Variants in U2AF2 observed in about 807,000 individuals in gnomAD.
The protein encoded by U2AF2 is U2 small nuclear RNA auxiliary factor 2.
A neutral mutation model predicts 52.6 loss-of-function variants in U2AF2; 6 were observed. The observed-to-expected ratio is 0.11, with a 90% CI of 0.06 to 0.23. The LOEUF (loss-of-function observed/expected upper bound fraction) is 0.23, where lower values mean the gene tolerates loss of function less well. U2AF2 is among the 10% of genes least tolerant of loss of function. The pLI is 1.00. For synonymous variants in U2AF2, 284 were observed against 258.2 expected (o/e 1.10, Z -0.96); for missense variants, 222 against 677.1 (o/e 0.33, Z 7.46).
intron 7 of U2AF2, 164 bp downstream of exon 7, chr19:55,663,908 CCTG>C: frequency 9.5e-7 from 1 of 1,049,834 alleles, no homozygotes; most frequent in Admixed American, 2.8e-5. Context: ...GGGGTGCTCT[CCTG>C]CTGGTAGAGA....
At chr19:55,666,948 C>T (rs1984585543) in intron 7 of U2AF2, among the ~76,000 whole-genome samples, 1 of 152,190 alleles carries the variant, frequency 6.6e-6, no homozygotes, top group African/African-American at 2.4e-5. Context: ...TCAGTTTTTG[C>T]CTTCTGTGCT....
In U2AF2 at chr19:55,668,298, C is replaced by T. The variant is rs543514828; in HGVS notation, c.743-209C>T. On this transcript the variant is annotated intron_variant, in intron 7 of 11. Coordinates refer to ENST00000308924, the MANE Select transcript of U2AF2 (RefSeq NM_007279.3). This position sits in a 1 kb window ranked among gnomAD's most constrained non-coding sequence, Gnocchi z 5.5. The stretch of plus-strand genomic sequence containing the variant: ...CTGGGCAGATTTGGGAGACATGGTG[C>T]GTTCTCCCCGAGGAGCCTCTGTGTG... Among the ~76,000 whole-genome samples, 2 of 152,104 alleles carry T rather than the reference C, an allele frequency of 1.3e-5. No individual in the cohort carries two copies. The highest frequency in any genetic ancestry group is 2.9e-5 in the Non-Finnish European group (2 of 68,000).
In U2AF2 at chr19:55,673,757, C is replaced by T. The variant is rs1985086753; in HGVS notation, c.1294-177C>T. Among the ~76,000 whole-genome samples, 3 of 152,144 alleles carry T rather than the reference C, an allele frequency of 2.0e-5. No homozygotes were observed. In the South Asian group the frequency reaches 6.2e-4, roughly 31 times the overall value. Reference sequence around the variant, plus strand: ...GTGTTTATGCTCTTGTTTTTTGATCCTGGAGAATATTTGGGTGAACTCCAC... The same window carrying T: ...GTGTTTATGCTCTTGTTTTTTGATCTTGGAGAATATTTGGGTGAACTCCAC... On this transcript the variant is annotated intron_variant, in intron 11 of 11. Coordinates refer to ENST00000308924, the MANE Select transcript of U2AF2 (RefSeq NM_007279.3).
chr19:55,663,772 T>C (rs1268442265), intron 7 of U2AF2, 28 bp downstream of exon 7: 1 of 1,613,222 alleles, frequency 6.2e-7, no homozygotes, highest in South Asian at 1.1e-5. Context: ...TAAGGGCCCC[T>C]TTCTCCCCCA....
Position 55,662,679 on chromosome 19 carries a change from G to C in U2AF2, c.603+61G>C, listed in dbSNP as rs939480667. 1.2e-5 allele frequency: 18 copies of C among 1,459,308 alleles called. No homozygotes were observed. In the African/African-American group the frequency reaches 2.5e-4, roughly 20 times the overall value. The allele number at this position is 1,459,308 out of a possible 1,614,324, so 90.4% of individuals were successfully genotyped here. ...GTGTGATGTGAGGGCCCAGCCCTTA[G>C]GCTGATGTTGTGTGGAGCTGCCTTG... On this transcript the variant is annotated intron_variant, in intron 6 of 11. Coordinates refer to ENST00000308924, the MANE Select transcript of U2AF2 (RefSeq NM_007279.3).
At chr19:55,664,039 C>T (rs1362197303) in intron 7 of U2AF2, 5 of 347,142 alleles carry the variant, frequency 1.4e-5, no homozygotes, top group Middle Eastern at 8.1e-4. Flanking sequence ...GCCTGGACCT[C>T]GTGCCTGCGT....
chr19:55,666,301 C>T (rs1239356785), intron 7 of U2AF2, among the ~76,000 whole-genome samples: 1 of 152,218 alleles, frequency 6.6e-6, no homozygotes, highest in Non-Finnish European at 1.5e-5. Flanking sequence ...AGCCTCTGCT[C>T]CAGGTGTGAT....
chr19:55,661,099 G>T lies in U2AF2; in HGVS notation c.396G>T (p.Val132=), dbSNP rs1224858509. 3 of 1,612,406 alleles carry T rather than the reference G, an allele frequency of 1.9e-6. No homozygotes were observed. The highest frequency in any genetic ancestry group is 2.5e-6 in the Non-Finnish European group (3 of 1,178,788). ...CCATGACCCCTGACGGTCTGGCTGT[G>T]ACCCCAACGCCGGTGCCCGTGGTCG... The part of the protein sequence containing the change: ...LPTMTPDGLA[V]TPTPVPVVGS... Residue 132 remains valine (V), a synonymous_variant, in exon 5 of 12, where the codon GTG becomes GTT. Transcript: ENST00000308924.
chr19:55,658,407 C>T (rs886626985), intron 1 of U2AF2, among the ~76,000 whole-genome samples: 2 of 151,440 alleles, frequency 1.3e-5, no homozygotes, highest in Admixed American at 6.6e-5. Flanking sequence ...AGTGAGGCTC[C>T]GTTCCTAGTG....
intron 7 of U2AF2, among the ~76,000 whole-genome samples, chr19:55,665,318 G>A (rs1340615423): frequency 6.9e-6 from 1 of 144,556 alleles, no homozygotes; most frequent in African/African-American, 2.6e-5. Flanking sequence ...TGCCCTCCAT[G>A]GACGGCAGTT....
intron 1 of U2AF2, among the ~76,000 whole-genome samples, chr19:55,656,650 C>A (rs1017345567): frequency 2.0e-5 from 3 of 152,206 alleles, no homozygotes; most frequent in Admixed American, 2.0e-4. Context: ...CTAAGTGGAT[C>A]CTTTTAACAG....
intron 7 of U2AF2, chr19:55,663,970 G>A: frequency 1.7e-6 from 1 of 578,816 alleles, no homozygotes; most frequent in South Asian, 2.4e-5. Context: ...AGGACACACA[G>A]CTTGTACGTG....
chr19:55,660,152 C>T, intron 2 of U2AF2, 25 bp from the exon 3 acceptor site: 2 of 1,590,646 alleles, frequency 1.3e-6, no homozygotes, highest in Non-Finnish European at 1.7e-6. Flanking sequence ...CACCCCTCCC[C>T]ATACCTTTCC....
chr19:55,663,954 C>G (rs1164059042), intron 7 of U2AF2: 1 of 638,452 alleles, frequency 1.6e-6, no homozygotes, highest in African/African-American at 1.8e-5. Flanking sequence ...GAGCTGTCAC[C>G]TGCTGAGGAC....
At chr19:55,669,858 C>T (rs370514113) in intron 11 of U2AF2, among the ~76,000 whole-genome samples, 166 bp downstream of exon 11, 1 of 152,186 alleles carries the variant, frequency 6.6e-6, no homozygotes, top group Non-Finnish European at 1.5e-5. Flanking sequence ...TGTATGCCAT[C>T]ACTGAGTGCC....
At chr19:55,664,313 G>A (rs1030999194) in intron 7 of U2AF2, among the ~76,000 whole-genome samples, 2 of 152,224 alleles carry the variant, frequency 1.3e-5, no homozygotes, top group South Asian at 2.1e-4. Flanking sequence ...GTCTGCGTGC[G>A]TGGGCCTGGC....
At chr19:55,669,713 G>C (rs1984760149) in intron 11 of U2AF2, 21 bp downstream of exon 11, 2 of 1,581,174 alleles carry the variant, frequency 1.3e-6, no homozygotes, top group African/African-American at 2.7e-5. Context: ...CTCGGGCTCA[G>C]TGCTCTCTCA....
Position 55,674,305 on chromosome 19 carries a change from C to T in U2AF2, c.*237C>T, listed in dbSNP as rs1985148612. The T allele has an allele frequency of 9.8e-6, 5 of 511,154 alleles. No homozygotes were observed. Among genetic ancestry groups the T allele is most frequent in the South Asian group, 8.8e-5 (4 of 45,714 alleles). The allele number at this position is 511,154 out of a possible 1,614,324, so 31.7% of individuals were successfully genotyped here. On this transcript the variant is annotated 3_prime_UTR_variant, in exon 12 of 12. Coordinates refer to ENST00000308924, the MANE Select transcript of U2AF2 (RefSeq NM_007279.3). ...CACAGCCCACACAGACAACACGCACCCACACAGACACAGAGGGAAGGGGTT... is the reference window on the plus strand; with the variant it reads ...CACAGCCCACACAGACAACACGCACTCACACAGACACAGAGGGAAGGGGTT...
Position 55,663,629 on chromosome 19 carries a change from C to G in U2AF2, c.627C>G (p.Thr209=). ...FLEFRSVDET[T]QAMAFDGIIF... ...AGTTCCGCTCAGTGGACGAGACTAC[C>G]CAGGCTATGGCCTTTGATGGCATCA... The change falls in exon 7 of 12, where the codon ACC becomes ACG. Residue 209 remains threonine (T), a synonymous_variant. Transcript: ENST00000308924. 2 of 1,614,164 alleles carry G rather than the reference C, an allele frequency of 1.2e-6. No homozygotes were observed. Among genetic ancestry groups the G allele is most frequent in the Non-Finnish European group, 1.7e-6 (2 of 1,180,024 alleles).
Sources: gnomAD v4.1 joint callset for allele counts (sites outside exome capture counted in the v4.1 genomes callset) on GRCh38, gnomAD v4.1.1 for gene constraint, Gnocchi (gnomAD v3.1) non-coding constraint, MANE v1.5 for transcripts, NCBI Gene and HGNC (gene_info 2026-07-23, HGNC 2026-07-21) for gene names.